The following NCBP3 variants were observed in gnomAD, a reference collection of about 807,000 sequenced individuals.
The protein encoded by NCBP3 is nuclear cap binding subunit 3, also known as nuclear cap-binding protein subunit 3.
In NCBP3, 20 loss-of-function variants were observed where a neutral mutation model predicts 75.7. The observed-to-expected ratio is 0.26, with a 90% CI of 0.19 to 0.38. The LOEUF (loss-of-function observed/expected upper bound fraction) is 0.38, where lower values mean the gene tolerates loss of function less well. Among genes scored for constraint, NCBP3 ranks in the 10% least tolerant of loss-of-function variants. The pLI, the probability that NCBP3 is intolerant of heterozygous loss-of-function variation, is 1.00. For synonymous variants in NCBP3, 293 were observed against 290.5 expected (o/e 1.01, Z -0.09); for missense variants, 678 against 796.9 (o/e 0.85, Z 1.80).
In NCBP3 at chr17:3,813,287, G is replaced by A. The variant is rs765856685; in HGVS notation, c.1628-8C>T. On this transcript the variant is annotated splice_polypyrimidine_tract_variant and splice_region_variant and intron_variant, in intron 12 of 12. Coordinates refer to ENST00000389005, the MANE Select transcript of NCBP3 (RefSeq NM_001114118.3). ...GGCGAGTCCATAAATTACCTGTTTG[G>A]ATGAGATGGCATTTCACTTTCGCAG... is the stretch of plus-strand genomic sequence containing the variant. The A allele has an allele frequency of 1.2e-5, 19 of 1,613,538 alleles. No individual in the cohort carries two copies. Among genetic ancestry groups the A allele is most frequent in the Non-Finnish European group, 1.6e-5 (19 of 1,179,934 alleles).
intron 1 of NCBP3, among the ~76,000 whole-genome samples, chr17:3,843,790 C>T (rs1180241615): frequency 6.6e-6 from 1 of 152,232 alleles, no homozygotes; most frequent in Admixed American, 6.5e-5. Context: ...GGTGATCCGT[C>T]TGTCTCAGCC....
Position 3,810,126 on chromosome 17 carries a change from A to G in NCBP3, c.*2918T>C, listed in dbSNP as rs1408796250. On this transcript the variant is annotated 3_prime_UTR_variant, in exon 13 of 13. Transcript: ENST00000389005. ...TATACTAAAAGCCACTCAAGTGTAC[A>G]CTTTAAATGGCTGAACTGTATGCAA... The G allele has an allele frequency of 6.6e-6, 1 of 152,230 alleles. No homozygotes were observed. The highest frequency in any genetic ancestry group is 1.5e-5 in the Non-Finnish European group (1 of 68,048). 9.4% of individuals were successfully genotyped at this position (152,230 alleles called of 1,614,324 possible).
chr17:3,824,131 T>G (rs2143665610), intron 7 of NCBP3: 1 of 152,284 alleles, frequency 6.6e-6, no homozygotes, highest in Non-Finnish European at 1.5e-5. Context: ...TTGGAACAAC[T>G]GACAAAATTT....
rs967712274 is a variant in NCBP3 at position 3,846,206 on chromosome 17, G to A, written c.18C>T (p.Gly6=). Reference sequence around the variant, plus strand: ...CCTCCGCCTTCACCGACACCCGCAGGCCCCGTACGGCCGCCATCGCTGCCT... The same window carrying A: ...CCTCCGCCTTCACCGACACCCGCAGACCCCGTACGGCCGCCATCGCTGCCT... The part of the protein sequence containing the change: MAAVR[G]LRVSVKAEAP... The change falls in exon 1 of 13, where the codon GGC becomes GGT. Residue 6 remains glycine (G), a synonymous_variant. Coordinates refer to ENST00000389005, the MANE Select transcript of NCBP3 (RefSeq NM_001114118.3). The surrounding 1 kb of genome is among the most constrained non-coding windows in gnomAD (Gnocchi z 4.6). 2.5e-5 allele frequency: 36 copies of A among 1,454,180 alleles called. 1 individual carries two copies. The highest frequency in any genetic ancestry group is 1.4e-4 in the East Asian group (5 of 34,620). The allele number at this position is 1,454,180 out of a possible 1,614,324, so 90.1% of individuals were successfully genotyped here. A position where few individuals can be genotyped will look rare whatever the true frequency, so the allele number is the denominator to read the frequency against.
Position 3,818,207 on chromosome 17 carries a change from T to A in NCBP3, c.1310+56A>T. 2 of 1,257,510 alleles carry A rather than the reference T, an allele frequency of 1.6e-6. No individual in the cohort carries two copies. The highest frequency in any genetic ancestry group is 2.5e-4 in the Middle Eastern group (1 of 3,924). 77.9% of individuals were successfully genotyped at this position (1,257,510 alleles called of 1,614,324 possible). ...TATAAAATTAGGAGGAATTAAGAAG[T>A]TATACTAGTATTTAAAATCAAATTA... On this transcript the variant is annotated intron_variant, in intron 10 of 12. Transcript: ENST00000389005. This position sits in a 1 kb window ranked among gnomAD's most constrained non-coding sequence, Gnocchi z 4.7.
chr17:3,835,805 A>T (rs2053962839), intron 3 of NCBP3, among the ~76,000 whole-genome samples: 1 of 152,224 alleles, frequency 6.6e-6, no homozygotes, highest in Non-Finnish European at 1.5e-5. Flanking sequence ...AACCTTTTTG[A>T]CACTGAATCG....
In NCBP3 at chr17:3,826,087, C is replaced by CT; in HGVS notation, c.609dup (p.Asp204ArgfsTer9). The CT allele has an allele frequency of 6.4e-7, 1 of 1,550,756 alleles. No individual in the cohort carries two copies. Among genetic ancestry groups the CT allele is most frequent in the South Asian group, 1.2e-5 (1 of 83,970 alleles). On this transcript the variant is annotated frameshift_variant and splice_region_variant, in exon 5 of 13. Transcript: ENST00000389005. LOFTEE classifies it high-confidence loss of function. ...CCAGTTCCCTCCTTTGTGTTGTTAC[C>CT]TTTTTTCCTTTTCTCAGCTGACTTG... is the stretch of plus-strand genomic sequence containing the variant.
At chr17:3,826,326 A>C (rs2053782889) in intron 4 of NCBP3, 111 bp from the exon 5 acceptor site, 2 of 1,040,604 alleles carry the variant, frequency 1.9e-6, no homozygotes, top group African/African-American at 1.6e-5. Flanking sequence ...ACAGATTATC[A>C]TCAGTAAATA....
At chr17:3,841,672 A>G (rs1178071154) in intron 2 of NCBP3, among the ~76,000 whole-genome samples, 3 of 149,328 alleles carry the variant, frequency 2.0e-5, no homozygotes, top group Non-Finnish European at 4.4e-5. Context: ...ACACAGATAA[A>G]CCATAAAAAG....
chr17:3,833,648 TAAA>T (rs200503240), intron 3 of NCBP3, among the ~76,000 whole-genome samples: 12 of 150,502 alleles, frequency 8.0e-5, no homozygotes, highest in African/African-American at 2.9e-4. Context: ...CTATTTTTTT[TAAA>T]AAAAAAGACA....
At chr17:3,841,720 C>G (rs2054066425) in intron 2 of NCBP3, among the ~76,000 whole-genome samples, 1 of 148,388 alleles carries the variant, frequency 6.7e-6, no homozygotes, top group African/African-American at 2.5e-5. Context: ...GTAGTCCCAG[C>G]TACTCGGGAG....
intron 11 of NCBP3, among the ~76,000 whole-genome samples, chr17:3,815,612 T>C (rs1243716049): frequency 6.6e-6 from 1 of 152,212 alleles, no homozygotes; most frequent in East Asian, 1.9e-4. Flanking sequence ...TCCACATCTA[T>C]AGATTCAACC....
intron 11 of NCBP3, 22 bp downstream of exon 11, chr17:3,816,094 G>A: frequency 1.2e-6 from 2 of 1,601,182 alleles, no homozygotes; most frequent in Non-Finnish European, 1.7e-6. Context: ...ATCCAGCCAG[G>A]AATCCAAGTG....
intron 3 of NCBP3, among the ~76,000 whole-genome samples, chr17:3,833,573 G>A (rs187181436): frequency 7.2e-5 from 11 of 152,106 alleles, no homozygotes; most frequent in East Asian, 3.9e-4. Context: ...TTGGGAGGCC[G>A]AGATGAGAGG....
chr17:3,825,913 T>G, intron 5 of NCBP3, 70 bp from the exon 6 acceptor site: 1 of 1,413,522 alleles, frequency 7.1e-7, no homozygotes, highest in Non-Finnish European at 9.7e-7. Flanking sequence ...CAAGATGAAC[T>G]ATCTCATATA....
rs530299719 is a variant in NCBP3, at chr17:3,808,609, A to C, written c.*4435T>G. ...CACAGTCTGTAGGGCTAGTGAGATCAAGATACATTTAGGGAACTGGTGAGC... is the reference window on the plus strand; with the variant it reads ...CACAGTCTGTAGGGCTAGTGAGATCCAGATACATTTAGGGAACTGGTGAGC... On this transcript the variant is annotated 3_prime_UTR_variant, in exon 13 of 13. Transcript: ENST00000389005. 2.1e-4 allele frequency: 32 copies of C among 152,474 alleles called. No individual in the cohort carries two copies. Among genetic ancestry groups the C allele is most frequent in the African/African-American group, 7.2e-4 (30 of 41,588 alleles). 9.4% of individuals were successfully genotyped at this position (152,474 alleles called of 1,614,324 possible). A position where few individuals can be genotyped will look rare whatever the true frequency, so the allele number is the denominator to read the frequency against.
At position 3,832,198 on chromosome 17, in the gene NCBP3, A is replaced by G. The variant is rs1407032655; in HGVS notation, c.356-2830T>C. On this transcript the variant is annotated intron_variant, in intron 3 of 12. Coordinates refer to ENST00000389005, the MANE Select transcript of NCBP3 (RefSeq NM_001114118.3). ...GACTCCGTCGCAAAAAAAAAAAAAA[A>G]AAAAAGAGGATGGATACCCCATTCT... Among the ~76,000 whole-genome samples the G allele has an allele frequency of 1.7e-5, 2 of 118,252 alleles. 1 individual carries two copies. The highest frequency in any genetic ancestry group is 5.1e-5 in the African/African-American group (2 of 39,310). 77.6% of individuals were successfully genotyped at this position (118,252 alleles called of 152,430 possible).
chr17:3,836,654 C>CAAAAA (rs56253811), intron 3 of NCBP3, among the ~76,000 whole-genome samples: 3 of 90,286 alleles, frequency 3.3e-5, no homozygotes, highest in African/African-American at 8.6e-5. Flanking sequence ...CTCCGTCTCT[C>CAAAAA]AAAAAAAAAA....
In NCBP3 at chr17:3,813,041, G is replaced by A; in HGVS notation, c.*3C>T. 2 of 1,614,114 alleles carry A rather than the reference G, an allele frequency of 1.2e-6. No individual in the cohort carries two copies. Among genetic ancestry groups the A allele is most frequent in the Non-Finnish European group, 1.7e-6 (2 of 1,180,002 alleles). On this transcript the variant is annotated 3_prime_UTR_variant, in exon 13 of 13. Transcript: ENST00000389005. ...AGGGCAGCTGCCATAGGCCCCAGGG[G>A]CATCAGGACTCTGCCTCTGAACCAG... is the stretch of plus-strand genomic sequence containing the variant.
Sources: gnomAD v4.1 joint callset for allele counts (sites outside exome capture counted in the v4.1 genomes callset) on GRCh38, gnomAD v4.1.1 for gene constraint, Gnocchi (gnomAD v3.1) non-coding constraint, MANE v1.5 for transcripts, NCBI Gene and HGNC (gene_info 2026-07-23, HGNC 2026-07-21) for gene names.